Variants in MIPOL1 observed in about 807,000 individuals in gnomAD.
MIPOL1 encodes mirror-image polydactyly 1.
In MIPOL1, 57 loss-of-function variants were observed where a neutral mutation model predicts 60.9. The ratio of observed to expected loss-of-function variants is 0.94; its 90% CI spans 0.76 to 1.17. The LOEUF (loss-of-function observed/expected upper bound fraction) is 1.17, where lower values mean the gene tolerates loss of function less well. MIPOL1 is among the 50% of genes most tolerant of loss of function. The pLI, the probability that MIPOL1 is intolerant of heterozygous loss-of-function variation, is 0.00. For missense variants in MIPOL1, 551 were observed against 511.6 expected (o/e 1.08, Z -0.74); for synonymous variants, 179 against 168.8 (o/e 1.06, Z -0.47).
chr14:37,510,396 T>TTTTTG (rs566362369), intron 12 of MIPOL1, among the ~76,000 whole-genome samples: 1 of 151,996 alleles, frequency 6.6e-6, no homozygotes. Context: ...TTTGGTGTTT[T>TTTTTG]TTTTGTTTTG....
intron 9 of MIPOL1, among the ~76,000 whole-genome samples, chr14:37,354,063 T>C (rs1461826589): frequency 1.3e-5 from 2 of 151,288 alleles, no homozygotes; most frequent in African/African-American, 4.9e-5. Context: ...AATTTCCCTC[T>C]ACACACTGCT....
intron 1 of MIPOL1, among the ~76,000 whole-genome samples, chr14:37,220,694 A>C (rs1018000004): frequency 6.6e-6 from 1 of 152,198 alleles, no homozygotes; most frequent in African/African-American, 2.4e-5. Context: ...GGATTTCAGC[A>C]TCTTAATTTC....
chr14:37,391,237 T>TTAG (rs1214152126), intron 10 of MIPOL1, among the ~76,000 whole-genome samples: 2 of 147,138 alleles, frequency 1.4e-5, no homozygotes, highest in Non-Finnish European at 3.1e-5. Flanking sequence ...TCCAAGAGAA[T>TTAG]TAGTCACATG....
chr14:37,368,303 A>G (rs1036698385), intron 9 of MIPOL1, among the ~76,000 whole-genome samples: 1 of 151,878 alleles, frequency 6.6e-6, no homozygotes, highest in Non-Finnish European at 1.5e-5. Flanking sequence ...TCATTTTGCA[A>G]TCTAAGTCAA....
chr14:37,424,936 A>G (rs986650296), intron 11 of MIPOL1, among the ~76,000 whole-genome samples: 1 of 152,184 alleles, frequency 6.6e-6, no homozygotes, highest in African/African-American at 2.4e-5. Context: ...AGCTCTCTAG[A>G]AAATTCCTTT....
At chr14:37,426,943 A>G (rs2093978297) in intron 11 of MIPOL1, among the ~76,000 whole-genome samples, 1 of 152,058 alleles carries the variant, frequency 6.6e-6, no homozygotes, top group African/African-American at 2.4e-5. Flanking sequence ...AAAGATACAG[A>G]GAACTTTCCT....
intron 9 of MIPOL1, among the ~76,000 whole-genome samples, chr14:37,361,600 C>T (rs6571807): frequency 0.97 from 133,758 of 138,602 alleles, 64,594 homozygotes; most frequent in East Asian, 1. Flanking sequence ...TTTTGTTTCT[C>T]CCTCTCTCTC....
At chr14:37,491,402 G>A (rs1030933801) in intron 11 of MIPOL1, among the ~76,000 whole-genome samples, 4 of 152,098 alleles carry the variant, frequency 2.6e-5, no homozygotes, top group African/African-American at 9.7e-5. Flanking sequence ...GGTGGCATGT[G>A]CCTGTAGTCT....
chr14:37,208,011 T>C (rs1966371179), intron 1 of MIPOL1, among the ~76,000 whole-genome samples: 1 of 152,210 alleles, frequency 6.6e-6, no homozygotes, highest in Non-Finnish European at 1.5e-5. Flanking sequence ...TGTTTTTTTA[T>C]AGTAGATGAC....
intron 1 of MIPOL1, among the ~76,000 whole-genome samples, chr14:37,206,841 C>G (rs1966166459): frequency 1.3e-5 from 2 of 152,228 alleles, no homozygotes; most frequent in Non-Finnish European, 2.9e-5. Flanking sequence ...ATGGCCCCTT[C>G]ATTTTGGCCA....
At chr14:37,224,357 A>C (rs1358146497) in intron 1 of MIPOL1, among the ~76,000 whole-genome samples, 1 of 152,122 alleles carries the variant, frequency 6.6e-6, no homozygotes, top group Non-Finnish European at 1.5e-5. Flanking sequence ...GTCCACTTTC[A>C]TGCTGCTGAT....
At chr14:37,320,536 A>T (rs562249753) in intron 9 of MIPOL1, among the ~76,000 whole-genome samples, 2 of 152,098 alleles carry the variant, frequency 1.3e-5, no homozygotes, top group East Asian at 3.9e-4. Flanking sequence ...ATATATATTT[A>T]TACAGTCTGT....
chr14:37,445,384 C>T (rs1335131525), intron 11 of MIPOL1, among the ~76,000 whole-genome samples: 1 of 152,064 alleles, frequency 6.6e-6, no homozygotes, highest in African/African-American at 2.4e-5. Context: ...AGGACCTCTT[C>T]AAGGAGAACT....
Position 37,507,952 on chromosome 14 carries a change from A to G in MIPOL1, c.1262+7814A>G, listed in dbSNP as rs559306445. 5.3e-5 allele frequency among the ~76,000 whole-genome samples: 8 copies of G among 152,260 alleles called. No individual in the cohort carries two copies. The South Asian group carries it at 1.7e-3, about 32-fold the overall frequency. On this transcript the variant is annotated intron_variant, in intron 12 of 12. Transcript: ENST00000684589. ...TCTGATTTCCAACAGTAAGAGCTAG[A>G]TGAAGTATTATCGGGTTTTCCTTTT...
chr14:37,278,264 C>T (rs543479335), intron 6 of MIPOL1: 3 of 151,472 alleles, frequency 2.0e-5, no homozygotes, highest in South Asian at 4.2e-4. Flanking sequence ...TTTAAAATTT[C>T]CAATAGCCAG....
intron 10 of MIPOL1, chr14:37,369,864 G>T: frequency 4.3e-6 from 1 of 234,466 alleles, no homozygotes; most frequent in African/African-American, 2.3e-5. Context: ...AATAACTTTT[G>T]GTAAATGTTT....
intron 1 of MIPOL1, among the ~76,000 whole-genome samples, chr14:37,222,557 A>G (rs1406655366): frequency 6.6e-6 from 1 of 152,046 alleles, no homozygotes; most frequent in Non-Finnish European, 1.5e-5. Flanking sequence ...TTGGGCATGG[A>G]CATAATTAAA....
chr14:37,208,920 T>A, intron 1 of MIPOL1, among the ~76,000 whole-genome samples: 1 of 152,326 alleles, frequency 6.6e-6, no homozygotes, highest in Admixed American at 6.5e-5. Flanking sequence ...GTTATCATTA[T>A]GCAAAATCAT....
intron 10 of MIPOL1, chr14:37,369,862 T>C: frequency 4.2e-6 from 1 of 239,014 alleles, no homozygotes; most frequent in South Asian, 1.3e-4. Context: ...TTAATAACTT[T>C]TGGTAAATGT....
Sources: allele counts gnomAD v4.1 joint callset (sites outside exome capture counted in the v4.1 genomes callset), GRCh38; gene constraint gnomAD v4.1.1; transcripts MANE v1.5; gene names NCBI Gene and HGNC (gene_info 2026-07-23, HGNC 2026-07-21).